Variants in MYO5A observed in about 807,000 individuals in gnomAD.
MYO5A encodes unconventional myosin-Va.
A neutral mutation model predicts 249.7 loss-of-function variants in MYO5A; 98 were observed. The ratio of observed to expected loss-of-function variants is 0.39; its 90% CI spans 0.33 to 0.46. MYO5A has a LOEUF of 0.46. MYO5A is among the 20% of genes least tolerant of loss of function. The pLI is 0.98. For missense variants in MYO5A, 1,696 were observed against 2,308.8 expected (o/e 0.73, Z 5.44); for synonymous variants, 778 against 810.6 (o/e 0.96, Z 0.68).
intron 1 of MYO5A, among the ~76,000 whole-genome samples, chr15:52,472,967 C>T (rs2141458552): frequency 6.6e-6 from 1 of 152,362 alleles, no homozygotes; most frequent in East Asian, 1.9e-4. Context: ...GGAATTGCCA[C>T]ACTGTCTTCC....
chr15:52,323,571 C>A, intron 36 of MYO5A, 127 bp from the exon 37 acceptor site: 2 of 714,396 alleles, frequency 2.8e-6, no homozygotes, highest in South Asian at 1.5e-5. Context: ...AAATAAATCA[C>A]ATTACAGTTG....
chr15:52,316,034 A>G (rs1226597614), intron 40 of MYO5A, among the ~76,000 whole-genome samples: 1 of 151,736 alleles, frequency 6.6e-6, no homozygotes, highest in Admixed American at 6.6e-5. Flanking sequence ...GGAGATCGAG[A>G]CCATCCTGGT....
chr15:52,447,735 C>A, intron 1 of MYO5A, among the ~76,000 whole-genome samples: 1 of 152,144 alleles, frequency 6.6e-6, no homozygotes, highest in East Asian at 1.9e-4. Context: ...TTATTGGGAA[C>A]TGGGGTAAAG....
intron 1 of MYO5A, among the ~76,000 whole-genome samples, chr15:52,461,068 T>G (rs1272963263): frequency 6.6e-6 from 1 of 152,182 alleles, no homozygotes; most frequent in Non-Finnish European, 1.5e-5. Context: ...TCCTCCCGCC[T>G]CAGCCTCCTG....
chr15:52,319,401 CAT>C, intron 38 of MYO5A, 59 bp from the exon 39 acceptor site: 1 of 1,555,976 alleles, frequency 6.4e-7, no homozygotes, highest in East Asian at 2.2e-5. Flanking sequence ...TTCATGTGCA[CAT>C]ATCCATGTGC....
intron 1 of MYO5A, among the ~76,000 whole-genome samples, chr15:52,511,019 C>CTTGG (rs1200196943): frequency 6.6e-6 from 1 of 152,236 alleles, no homozygotes; most frequent in East Asian, 1.9e-4. Flanking sequence ...GAGGCCCCAG[C>CTTGG]TCCAAAAGAC....
At chr15:52,356,784 A>T in intron 25 of MYO5A, among the ~76,000 whole-genome samples, 1 of 123,488 alleles carries the variant, frequency 8.1e-6, no homozygotes, top group Non-Finnish European at 1.5e-5. Context: ...TGTTGATTTA[A>T]TTTGCATTTC....
intron 12 of MYO5A, 120 bp from the exon 13 acceptor site, chr15:52,389,483 T>C (rs1166460961): frequency 1.4e-5 from 14 of 969,020 alleles, no homozygotes; most frequent in Admixed American, 2.7e-5. Context: ...ACTTTTACAA[T>C]TCAATTTAGG....
At chr15:52,330,097 G>A (rs1596300153) in intron 35 of MYO5A, among the ~76,000 whole-genome samples, 1 of 151,852 alleles carries the variant, frequency 6.6e-6, no homozygotes, top group Non-Finnish European at 1.5e-5. Flanking sequence ...AAAGCTTCCA[G>A]GTGATTCTAA....
At chr15:52,476,060 G>A (rs1329218086) in intron 1 of MYO5A, among the ~76,000 whole-genome samples, 4 of 152,158 alleles carry the variant, frequency 2.6e-5, no homozygotes, top group African/African-American at 9.7e-5. Flanking sequence ...CTTGCTTTTT[G>A]AATCTGGGTG....
chr15:52,327,794 T>G (rs1016541918), intron 36 of MYO5A, 58 bp downstream of exon 36: 102 of 1,502,162 alleles, frequency 6.8e-5, no homozygotes, highest in Middle Eastern at 1.7e-4. Flanking sequence ...GATCAATCAG[T>G]GCAGATTCTG....
rs1289639382 is a variant in MYO5A, at chr15:52,310,105, A to G, written c.*3591T>C. On this transcript the variant is annotated 3_prime_UTR_variant, in exon 42 of 42. Transcript: ENST00000399233. Reference sequence around the variant, plus strand: ...CAACTATGAGCTATCCATGGAAATGAAGAAATAACACAGCAAATTCTCCAA... The same window carrying G: ...CAACTATGAGCTATCCATGGAAATGGAGAAATAACACAGCAAATTCTCCAA... The G allele has an allele frequency of 6.6e-6, 1 of 152,258 alleles. No individual in the cohort carries two copies. The highest frequency in any genetic ancestry group is 1.5e-5 in the Non-Finnish European group (1 of 68,036). The allele number at this position is 152,258 out of a possible 1,614,324, so 9.4% of individuals were successfully genotyped here. A position where few individuals can be genotyped will look rare whatever the true frequency, so the allele number is the denominator to read the frequency against.
intron 20 of MYO5A, among the ~76,000 whole-genome samples, chr15:52,374,829 T>C (rs1265918518): frequency 6.6e-6 from 1 of 152,262 alleles, no homozygotes; most frequent in Non-Finnish European, 1.5e-5. Context: ...TTGGCTGTTT[T>C]AAGGTAACAA....
chr15:52,342,707 G>A (rs538346687), intron 31 of MYO5A, among the ~76,000 whole-genome samples: 132 of 152,230 alleles, frequency 8.7e-4, no homozygotes, highest in Middle Eastern at 3.4e-3. Flanking sequence ...CTGAGGTCAG[G>A]AGTTCGAGAC....
chr15:52,389,437 A>G, intron 12 of MYO5A, 74 bp from the exon 13 acceptor site: 1 of 1,443,316 alleles, frequency 6.9e-7, no homozygotes, highest in Non-Finnish European at 9.4e-7. Context: ...AGCTGTCAAA[A>G]GATCTTTTAT....
chr15:52,462,788 C>G (rs1361084197), intron 1 of MYO5A, among the ~76,000 whole-genome samples: 1 of 151,552 alleles, frequency 6.6e-6, no homozygotes, highest in Non-Finnish European at 1.5e-5. Context: ...GTGGAGGTTG[C>G]TGTGAGCCAA....
chr15:52,344,557 A>G (rs945785280), intron 30 of MYO5A, among the ~76,000 whole-genome samples: 1 of 152,158 alleles, frequency 6.6e-6, no homozygotes, highest in Non-Finnish European at 1.5e-5. Context: ...TGTCAATCCT[A>G]ACTGCCACCA....
At chr15:52,320,004 C>A (rs958916681) in intron 38 of MYO5A, among the ~76,000 whole-genome samples, 24 of 152,024 alleles carry the variant, frequency 1.6e-4, no homozygotes, top group African/African-American at 5.8e-4. Flanking sequence ...TATCTGAGCC[C>A]CAGAGGCAAA....
At chr15:52,440,408 C>T (rs906503942) in intron 1 of MYO5A, among the ~76,000 whole-genome samples, 6 of 152,202 alleles carry the variant, frequency 3.9e-5, no homozygotes, top group Admixed American at 2.6e-4. Flanking sequence ...GCCGAGATTA[C>T]AGGCATGCAC....
Sources: allele counts gnomAD v4.1 joint callset (sites outside exome capture counted in the v4.1 genomes callset), GRCh38; gene constraint gnomAD v4.1.1; transcripts MANE v1.5; gene names NCBI Gene and HGNC (gene_info 2026-07-23, HGNC 2026-07-21).